The following AGBL3 variants were observed in gnomAD, a reference collection of about 807,000 sequenced individuals.
The protein encoded by AGBL3 is AGBL carboxypeptidase 3, also known as cytosolic carboxypeptidase 3.
Under a neutral mutation model 94.5 loss-of-function variants are expected in AGBL3, and 68 were observed. That is an observed-to-expected ratio of 0.72 (90% CI 0.59 to 0.88). The LOEUF is 0.88. Among genes scored for constraint, AGBL3 ranks in the 40% least tolerant of loss-of-function variants. The pLI is 0.00. For missense variants in AGBL3, 934 were observed against 1,103.8 expected, an observed-to-expected ratio of 0.85 and a Z score of 2.18; for synonymous variants, 354 against 370.7, an observed-to-expected ratio of 0.95 and a Z score of 0.52.
At chr7:135,031,660 G>A (rs1815759836) in intron 5 of AGBL3, among the ~76,000 whole-genome samples, 1 of 152,150 alleles carries the variant, frequency 6.6e-6, no homozygotes, top group South Asian at 2.1e-4. Flanking sequence ...ATTTTGTATA[G>A]AGGCAGGTCT....
rs910193103 is a variant in AGBL3, at chr7:135,045,586, C to A, written c.1728+12C>A. 1.3e-6 allele frequency: 2 copies of A among 1,544,288 alleles called. No individual in the cohort carries two copies. Among genetic ancestry groups the A allele is most frequent in the African/African-American group, 1.4e-5 (1 of 72,844 alleles). Reference sequence around the variant, plus strand: ...CCGACCGGACCAAGGTAAGCAAAGTCCATTTGGTAATGCATCAGACTCCAG... The same window carrying A: ...CCGACCGGACCAAGGTAAGCAAAGTACATTTGGTAATGCATCAGACTCCAG... On this transcript the variant is annotated intron_variant, in intron 10 of 16. Coordinates refer to ENST00000436302, the MANE Select transcript of AGBL3 (RefSeq NM_178563.4).
Position 135,107,352 on chromosome 7 carries a change from G to A in AGBL3, c.2111-8028G>A, listed in dbSNP as rs547838094. Among the ~76,000 whole-genome samples, 11 of 152,176 alleles carry A rather than the reference G, an allele frequency of 7.2e-5. No homozygotes were observed. In the East Asian group the frequency reaches 2.1e-3, roughly 29 times the overall value. ...CCTAACTTTCTGATATGGGCATTTA[G>A]TGATATAAATTTCTCTCTTAACACT... is the stretch of plus-strand genomic sequence containing the variant. On this transcript the variant is annotated intron_variant, in intron 15 of 16. Transcript: ENST00000436302.
chr7:135,063,420 G>A (rs1267073824), intron 12 of AGBL3, among the ~76,000 whole-genome samples: 3 of 151,892 alleles, frequency 2.0e-5, no homozygotes, highest in Non-Finnish European at 4.4e-5. Context: ...GTTCCTTGAA[G>A]TGTAACACTA....
intron 16 of AGBL3, chr7:135,129,383 A>G: frequency 2.3e-6 from 2 of 857,680 alleles, no homozygotes. Context: ...AGGCCAATAA[A>G]AGACTTTTGG....
At chr7:135,025,029 G>A (rs1245207863) in intron 5 of AGBL3, among the ~76,000 whole-genome samples, 4 of 151,512 alleles carry the variant, frequency 2.6e-5, no homozygotes, top group Non-Finnish European at 5.9e-5. Flanking sequence ...GAGAGAGTAA[G>A]CAACTTGGAA....
chr7:134,988,239 G>T, intron 2 of AGBL3: 2 of 327,508 alleles, frequency 6.1e-6, no homozygotes, highest in South Asian at 4.5e-5. Context: ...GATTCTTCTA[G>T]GTTTTATTAA....
chr7:135,006,110 T>G (rs1370113202), intron 4 of AGBL3, among the ~76,000 whole-genome samples: 6 of 143,776 alleles, frequency 4.2e-5, no homozygotes, highest in African/African-American at 1.5e-4. Flanking sequence ...TAAAAGCTCT[T>G]GTTTTGCAAA....
chr7:135,032,400 G>A (rs570993819), intron 5 of AGBL3, among the ~76,000 whole-genome samples: 18 of 151,880 alleles, frequency 1.2e-4, no homozygotes, highest in African/African-American at 4.3e-4. Flanking sequence ...TGCCTCCCAG[G>A]TTCAAGCGAT....
chr7:135,097,192 C>G (rs1823032083), intron 15 of AGBL3, among the ~76,000 whole-genome samples: 1 of 152,126 alleles, frequency 6.6e-6, no homozygotes, highest in African/African-American at 2.4e-5. Flanking sequence ...AAGGTTACGA[C>G]TAAAATATCC....
At chr7:135,094,661 G>A (rs1822382470) in intron 15 of AGBL3, 1 of 378,168 alleles carries the variant, frequency 2.6e-6, no homozygotes, top group Non-Finnish European at 5.1e-6. Flanking sequence ...CTCTCTTAGG[G>A]TGTTAACTCT....
intron 15 of AGBL3, among the ~76,000 whole-genome samples, chr7:135,104,391 C>A (rs942339357): frequency 1.3e-5 from 2 of 152,126 alleles, no homozygotes; most frequent in Non-Finnish European, 2.9e-5. Flanking sequence ...AGTGAACATA[C>A]ATATGCATGT....
chr7:135,107,124 C>T (rs1824845106), intron 15 of AGBL3, among the ~76,000 whole-genome samples: 1 of 148,436 alleles, frequency 6.7e-6, no homozygotes, highest in African/African-American at 2.5e-5. Context: ...GTCTAGCTAC[C>T]AACCTATCTA....
At chr7:135,091,217 G>C (rs1821808553) in intron 15 of AGBL3, among the ~76,000 whole-genome samples, 1 of 152,054 alleles carries the variant, frequency 6.6e-6, no homozygotes, top group Non-Finnish European at 1.5e-5. Flanking sequence ...CCTAGTTTCT[G>C]CACTCACCAG....
At position 135,056,627 on chromosome 7, in the gene AGBL3, A is replaced by T. The variant is rs543779883; in HGVS notation, c.1842-2542A>T. Among the ~76,000 whole-genome samples, 24 of 152,262 alleles carry T rather than the reference A, an allele frequency of 1.6e-4. 1 individual carries two copies. In the South Asian group the frequency reaches 5.0e-3, roughly 32 times the overall value. The stretch of plus-strand genomic sequence containing the variant: ...AACAACTGGAATTTAAAATTAAAAA[A>T]AAATACCATCTATGCTAGCACAAAA... On this transcript the variant is annotated intron_variant, in intron 11 of 16. Transcript: ENST00000436302.
chr7:135,049,220 C>T (rs1013385783), intron 11 of AGBL3, among the ~76,000 whole-genome samples: 1 of 151,796 alleles, frequency 6.6e-6, no homozygotes, highest in Non-Finnish European at 1.5e-5. Context: ...TATGGTTTAT[C>T]GAATTAATTG....
intron 16 of AGBL3, among the ~76,000 whole-genome samples, chr7:135,117,948 C>A (rs1363013861): frequency 1.3e-5 from 2 of 152,180 alleles, no homozygotes; most frequent in Admixed American, 6.5e-5. Context: ...CAGTCTTGCA[C>A]ATGAAACTGC....
chr7:135,049,641 G>C (rs573556784), intron 11 of AGBL3, among the ~76,000 whole-genome samples: 1 of 151,790 alleles, frequency 6.6e-6, no homozygotes, highest in South Asian at 2.1e-4. Context: ...ATTTAGTCTT[G>C]GTAATTTGTA....
intron 4 of AGBL3, among the ~76,000 whole-genome samples, chr7:135,014,792 T>C (rs1813574957): frequency 6.6e-6 from 1 of 152,216 alleles, no homozygotes; most frequent in Non-Finnish European, 1.5e-5. Context: ...AGCACTGATT[T>C]GGTGCTCACA....
chr7:134,989,168 G>A, intron 2 of AGBL3, 82 bp from the exon 3 acceptor site: 1 of 909,386 alleles, frequency 1.1e-6, no homozygotes, highest in East Asian at 2.7e-5. Flanking sequence ...TCAATCCCAA[G>A]TACTAAAATA....
Sources: allele counts gnomAD v4.1 joint callset (sites outside exome capture counted in the v4.1 genomes callset), GRCh38; gene constraint gnomAD v4.1.1; transcripts MANE v1.5; gene names NCBI Gene and HGNC (gene_info 2026-07-23, HGNC 2026-07-21).